Variants in DLC1 observed in about 807,000 individuals in gnomAD.
DLC1 encodes rho GTPase-activating protein 7.
A neutral mutation model predicts 140.3 loss-of-function variants in DLC1; 54 were observed. The observed-to-expected ratio is 0.38, with a 90% CI of 0.31 to 0.48. The LOEUF is 0.48. DLC1 is among the 20% of genes least tolerant of loss of function. DLC1 has a pLI of 0.96. For missense variants in DLC1, 2,536 were observed against 1,907.0 expected, an observed-to-expected ratio of 1.33 and a Z score of -6.14; for synonymous variants, 986 against 728.1, an observed-to-expected ratio of 1.35 and a Z score of -5.70.
intron 2 of DLC1, among the ~76,000 whole-genome samples, chr8:13,411,889 G>C (rs908036561): frequency 6.6e-6 from 1 of 151,958 alleles, no homozygotes; most frequent in African/African-American, 2.4e-5. Flanking sequence ...GTAAATCCCA[G>C]AGACCATATA....
At chr8:13,432,071 A>G (rs945727625) in intron 2 of DLC1, among the ~76,000 whole-genome samples, 1 of 152,220 alleles carries the variant, frequency 6.6e-6, no homozygotes, top group African/African-American at 2.4e-5. Flanking sequence ...TATTTATTGG[A>G]AAGTATTCTT....
chr8:13,567,836 A>G (rs1046075131), intron 1 of DLC1: 4 of 1,551,872 alleles, frequency 2.6e-6, no homozygotes, highest in Non-Finnish European at 3.5e-6. Context: ...TCAGAGACAG[A>G]GCAGAAGTTG....
At chr8:13,132,548 C>T (rs917707028) in intron 5 of DLC1, among the ~76,000 whole-genome samples, 1 of 152,126 alleles carries the variant, frequency 6.6e-6, no homozygotes, top group Admixed American at 6.5e-5. Context: ...AGTACGAGCG[C>T]AGAGCAGTCC....
Position 13,419,220 on chromosome 8 carries a change from T to C in DLC1, c.1024-17601A>G, listed in dbSNP as rs555447345. Among the ~76,000 whole-genome samples, 5 of 152,100 alleles carry C rather than the reference T, an allele frequency of 3.3e-5. No individual in the cohort carries two copies. The South Asian group carries it at 1.0e-3, about 32-fold the overall frequency. ...ATACCGTTTATTTCCTTCTCCTGCC[T>C]AATTGCCCTGGCCAGAACTTCTAAC... On this transcript the variant is annotated intron_variant, in intron 2 of 17. Coordinates refer to ENST00000276297, the MANE Select transcript of DLC1 (RefSeq NM_182643.3).
chr8:13,102,913 A>C (rs1819217707), intron 7 of DLC1, 60 bp from the exon 8 acceptor site: 1 of 1,386,164 alleles, frequency 7.2e-7, no homozygotes, highest in Admixed American at 1.8e-5. Flanking sequence ...TGAGTGGATA[A>C]ACACCTGTTT....
chr8:13,356,125 T>A (rs1317140715), intron 4 of DLC1, among the ~76,000 whole-genome samples: 1 of 151,734 alleles, frequency 6.6e-6, no homozygotes, highest in Non-Finnish European at 1.5e-5. Context: ...TCTTATTTTT[T>A]ATTTTTAGTT....
intron 2 of DLC1, among the ~76,000 whole-genome samples, chr8:13,459,674 C>A (rs907671282): frequency 2.0e-5 from 3 of 152,134 alleles, no homozygotes; most frequent in African/African-American, 7.2e-5. Context: ...CAACTTCTCC[C>A]GCACAGCCAA....
intron 5 of DLC1, among the ~76,000 whole-genome samples, chr8:13,163,884 A>C (rs1290945239): frequency 6.6e-6 from 1 of 152,176 alleles, no homozygotes; most frequent in Admixed American, 6.5e-5. Flanking sequence ...ATGCATGCCC[A>C]GTCCGGGCTA....
At chr8:13,375,401 A>T (rs908238060) in intron 4 of DLC1, among the ~76,000 whole-genome samples, 11 of 152,046 alleles carry the variant, frequency 7.2e-5, no homozygotes, top group Admixed American at 6.6e-4. Flanking sequence ...GCTTAAGGAG[A>T]TTTTGGGTTG....
chr8:13,443,121 G>T (rs558802427), intron 2 of DLC1, among the ~76,000 whole-genome samples: 1 of 149,320 alleles, frequency 6.7e-6, no homozygotes, highest in East Asian at 2.0e-4. Flanking sequence ...ACCAAACACT[G>T]CATGTTCTGA....
At chr8:13,524,465 C>A (rs542152077) in intron 1 of DLC1, among the ~76,000 whole-genome samples, 1 of 151,972 alleles carries the variant, frequency 6.6e-6, no homozygotes, top group Non-Finnish European at 1.5e-5. Flanking sequence ...TGTTGCTTTT[C>A]GCTATGTATT....
intron 5 of DLC1, among the ~76,000 whole-genome samples, chr8:13,170,543 A>G (rs1320502442): frequency 6.6e-6 from 1 of 152,156 alleles, no homozygotes; most frequent in Non-Finnish European, 1.5e-5. Context: ...ATCCTGGCCA[A>G]CACGGTGAAA....
At chr8:13,399,829 A>G (rs912297361) in intron 3 of DLC1, among the ~76,000 whole-genome samples, 5 of 152,114 alleles carry the variant, frequency 3.3e-5, no homozygotes, top group Admixed American at 6.5e-5. Flanking sequence ...GCGTTTTCTC[A>G]TAAATATTCT....
rs188989090 is a variant in DLC1 at position 13,393,011 on chromosome 8, C to T, written c.1314+542G>A. Among the ~76,000 whole-genome samples, 6 of 152,106 alleles carry T rather than the reference C, an allele frequency of 3.9e-5. No homozygotes were observed. The South Asian group carries it at 6.2e-4, about 16-fold the overall frequency. On this transcript the variant is annotated intron_variant, in intron 4 of 17. Transcript: ENST00000276297. ...GTTTTATATATCTCTGCATATAAAC[C>T]TATTATCTATCTATGTCTGTCTATA...
intron 1 of DLC1, among the ~76,000 whole-genome samples, chr8:13,505,407 A>G (rs966917878): frequency 7.9e-5 from 12 of 152,210 alleles, no homozygotes; most frequent in African/African-American, 2.9e-4. Context: ...ATATCAGAAG[A>G]CATAGCTAAA....
At chr8:13,562,880 T>C (rs1256881776) in intron 1 of DLC1, among the ~76,000 whole-genome samples, 2 of 151,186 alleles carry the variant, frequency 1.3e-5, no homozygotes, top group African/African-American at 4.9e-5. Context: ...TGTTGTAAAG[T>C]GGTATCTAGA....
rs944224988 is a variant in DLC1 at position 13,492,221 on chromosome 8, A to G, written c.1023+6828T>C. ...CTCTAGCCTGTTGGAGATACAGCCCATAAGGCTGGCTCTGGTCATCACCTG... is the reference window on the plus strand; with the variant it reads ...CTCTAGCCTGTTGGAGATACAGCCCGTAAGGCTGGCTCTGGTCATCACCTG... On this transcript the variant is annotated intron_variant, in intron 2 of 17. Transcript: ENST00000276297. 1.4e-4 allele frequency among the ~76,000 whole-genome samples: 21 copies of G among 151,434 alleles called. 1 individual carries two copies. Among genetic ancestry groups the G allele is most frequent in the Non-Finnish European group, 2.9e-5 (2 of 68,002 alleles).
intron 5 of DLC1, among the ~76,000 whole-genome samples, chr8:13,208,768 AC>A (rs1827796745): frequency 6.7e-6 from 1 of 150,296 alleles, no homozygotes; most frequent in African/African-American, 2.5e-5. Context: ...ACACACACAC[AC>A]ACACACTTCT....
chr8:13,469,203 T>G (rs6993914), intron 2 of DLC1, among the ~76,000 whole-genome samples: 52,183 of 151,948 alleles, frequency 0.34, 9,290 homozygotes, highest in Middle Eastern at 0.47. Flanking sequence ...TCATTCCTTT[T>G]CTAGCTCACG....
Sources: gnomAD v4.1 joint callset for allele counts (sites outside exome capture counted in the v4.1 genomes callset) on GRCh38, gnomAD v4.1.1 for gene constraint, MANE v1.5 for transcripts, NCBI Gene and HGNC (gene_info 2026-07-23, HGNC 2026-07-21) for gene names.